The following SLCO6A1 variants were observed in gnomAD, a reference collection of about 807,000 sequenced individuals.
The protein encoded by SLCO6A1 is solute carrier organic anion transporter family member 6A1, also known as cancer/testis antigen 48.
A neutral mutation model predicts 72.7 loss-of-function variants in SLCO6A1; 65 were observed. The observed-to-expected ratio is 0.89, with a 90% CI of 0.73 to 1.10. The LOEUF (loss-of-function observed/expected upper bound fraction) is 1.10. Ranked by LOEUF, SLCO6A1 falls within the 50% of genes least tolerant of loss-of-function variation. The pLI is 0.00. For missense variants in SLCO6A1, 874 were observed against 872.6 expected, an observed-to-expected ratio of 1.00 and a Z score of -0.02; for synonymous variants, 314 against 298.2, an observed-to-expected ratio of 1.05 and a Z score of -0.55.
chr5:102,456,785 T>A (rs976688929), intron 6 of SLCO6A1, among the ~76,000 whole-genome samples: 10 of 151,808 alleles, frequency 6.6e-5, no homozygotes, highest in Non-Finnish European at 1.5e-4. Flanking sequence ...AAAAGAGCCC[T>A]CATTGCCAAG....
chr5:102,466,067 G>C (rs1335972029), intron 4 of SLCO6A1, among the ~76,000 whole-genome samples: 7 of 151,976 alleles, frequency 4.6e-5, no homozygotes, highest in Admixed American at 3.9e-4. Context: ...AGGATGTGGA[G>C]GTTTGTTAAA....
Position 102,498,497 on chromosome 5 carries a change from G to A in SLCO6A1, c.348C>T (p.Leu116=). The A allele has an allele frequency of 1.9e-6, 3 of 1,613,058 alleles. No individual in the cohort carries two copies. Among genetic ancestry groups the A allele is most frequent in the East Asian group, 2.2e-5 (1 of 44,860 alleles). ...CTCCTTCAGGCTCACCTTGACATATGAGCAGGATGCAGTAGAAAATCATGA... is the reference window on the plus strand; with the variant it reads ...CTCCTTCAGGCTCACCTTGACATATAAGCAGGATGCAGTAGAAAATCATGA... ...RCFMIFYCIL[L]ICQGVVFGLI... Residue 116 remains leucine (L), a synonymous_variant, in exon 1 of 14, where the codon CTC becomes CTT. Transcript: ENST00000506729.
intron 7 of SLCO6A1, among the ~76,000 whole-genome samples, chr5:102,433,276 T>A (rs377721208): frequency 2.6e-5 from 4 of 152,214 alleles, no homozygotes; most frequent in African/African-American, 9.6e-5. Context: ...ACTTCAGCCA[T>A]CTAAGACTGG....
At chr5:102,444,687 T>C (rs1020820406) in intron 6 of SLCO6A1, among the ~76,000 whole-genome samples, 5 of 152,212 alleles carry the variant, frequency 3.3e-5, no homozygotes, top group Admixed American at 2.0e-4. Context: ...ACCTAGGAGA[T>C]GATTCAGAGA....
At chr5:102,396,914 G>GGAGT in intron 10 of SLCO6A1, among the ~76,000 whole-genome samples, 1 of 152,108 alleles carries the variant, frequency 6.6e-6, no homozygotes, top group Admixed American at 6.6e-5. Context: ...CTCTTACAGA[G>GGAGT]CCATGAATGC....
At position 102,477,674 on chromosome 5, in the gene SLCO6A1, G is replaced by C. The variant is rs781199591; in HGVS notation, c.802+2C>G. 1.5e-5 allele frequency: 24 copies of C among 1,609,514 alleles called. No homozygotes were observed. On this transcript the variant is annotated splice_donor_variant, in intron 3 of 13. Coordinates refer to ENST00000506729, the MANE Select transcript of SLCO6A1 (RefSeq NM_173488.5). LOFTEE classifies it high-confidence loss of function. The stretch of plus-strand genomic sequence containing the variant: ...AATCGTAATAGAGGGGGTAAAACTT[G>C]CCTAAATAGATACCAGCTGAGTGTG...
intron 4 of SLCO6A1, among the ~76,000 whole-genome samples, chr5:102,465,912 G>A (rs1300250112): frequency 1.3e-5 from 2 of 152,004 alleles, no homozygotes; most frequent in African/African-American, 4.8e-5. Flanking sequence ...AAATCCCCTG[G>A]ATTTCAAACA....
At chr5:102,488,495 T>G (rs978088781) in intron 1 of SLCO6A1, among the ~76,000 whole-genome samples, 2 of 152,218 alleles carry the variant, frequency 1.3e-5, no homozygotes, top group Non-Finnish European at 2.9e-5. Flanking sequence ...ACACTTCCAT[T>G]AATAGTAGAC....
At chr5:102,381,967 G>A in intron 12 of SLCO6A1, among the ~76,000 whole-genome samples, 1 of 151,160 alleles carries the variant, frequency 6.6e-6, no homozygotes, top group Non-Finnish European at 1.5e-5. Context: ...TTGAATATTA[G>A]CCCCTTATCA....
intron 4 of SLCO6A1, among the ~76,000 whole-genome samples, chr5:102,462,603 C>A (rs1751094977): frequency 1.3e-5 from 2 of 152,140 alleles, no homozygotes; most frequent in East Asian, 1.9e-4. Context: ...ACCAACTGAA[C>A]TTTGACAAAG....
chr5:102,495,394 G>A (rs1164481436), intron 1 of SLCO6A1, among the ~76,000 whole-genome samples: 1 of 152,194 alleles, frequency 6.6e-6, no homozygotes, highest in Non-Finnish European at 1.5e-5. Flanking sequence ...AGGAGTTTGA[G>A]ACCAGCCTGG....
intron 9 of SLCO6A1, among the ~76,000 whole-genome samples, chr5:102,410,970 G>C (rs1201413229): frequency 6.6e-6 from 1 of 152,084 alleles, no homozygotes; most frequent in Non-Finnish European, 1.5e-5. Context: ...TAAACACTTT[G>C]GATTCTTCAG....
intron 12 of SLCO6A1, among the ~76,000 whole-genome samples, chr5:102,383,210 G>T (rs1267269502): frequency 5.3e-5 from 8 of 150,170 alleles, no homozygotes; most frequent in African/African-American, 1.9e-4. Flanking sequence ...TTGCCTAATT[G>T]TTCTGTTTAG....
chr5:102,411,173 G>C (rs1489796892), intron 9 of SLCO6A1, among the ~76,000 whole-genome samples: 1 of 152,096 alleles, frequency 6.6e-6, no homozygotes, highest in Non-Finnish European at 1.5e-5. Flanking sequence ...AGGTAGATAA[G>C]AGTTCCCCAC....
intron 1 of SLCO6A1, among the ~76,000 whole-genome samples, chr5:102,494,140 C>T (rs899997237): frequency 6.6e-6 from 1 of 151,996 alleles, no homozygotes; most frequent in Non-Finnish European, 1.5e-5. Context: ...AGAAAGAGAT[C>T]AGAACTTCCA....
At chr5:102,387,591 T>C (rs765313714) in intron 12 of SLCO6A1, among the ~76,000 whole-genome samples, 1 of 152,218 alleles carries the variant, frequency 6.6e-6, no homozygotes, top group Non-Finnish European at 1.5e-5. Context: ...CAGTTTCCAG[T>C]GTAGGTCAAG....
intron 4 of SLCO6A1, among the ~76,000 whole-genome samples, chr5:102,472,932 G>T (rs1003634321): frequency 6.6e-6 from 1 of 151,932 alleles, no homozygotes; most frequent in Non-Finnish European, 1.5e-5. Flanking sequence ...AAATGATGAA[G>T]AAACAAAGTA....
intron 1 of SLCO6A1, among the ~76,000 whole-genome samples, chr5:102,492,613 G>A (rs1431987196): frequency 2.0e-5 from 3 of 152,076 alleles, no homozygotes; most frequent in East Asian, 3.9e-4. Context: ...GAAGTGCAAG[G>A]GGTCAGAGAA....
chr5:102,447,454 T>A (rs1750175046), intron 6 of SLCO6A1, among the ~76,000 whole-genome samples: 1 of 152,160 alleles, frequency 6.6e-6, no homozygotes, highest in Non-Finnish European at 1.5e-5. Context: ...TATCAGCTCT[T>A]CTTTATGTGT....
Sources: gnomAD v4.1 joint callset for allele counts (sites outside exome capture counted in the v4.1 genomes callset) on GRCh38, gnomAD v4.1.1 for gene constraint, MANE v1.5 for transcripts, NCBI Gene and HGNC (gene_info 2026-07-23, HGNC 2026-07-21) for gene names.